Variants in LRRTM4 observed in about 807,000 individuals in gnomAD.
The protein encoded by LRRTM4 is leucine-rich repeat transmembrane neuronal protein 4.
In LRRTM4, 25 loss-of-function variants were observed where a neutral mutation model predicts 47.6. The observed-to-expected ratio is 0.53, with a 90% CI of 0.38 to 0.73. The LOEUF is 0.73. Among genes scored for constraint, LRRTM4 ranks in the 30% least tolerant of loss-of-function variants. The probability of loss-of-function intolerance (pLI) is 0.00; values close to 1 mark genes in which losing one functional copy is unlikely to be tolerated. For missense variants in LRRTM4, 638 were observed against 713.4 expected (o/e 0.89, Z 1.20); for synonymous variants, 311 against 269.5 (o/e 1.15, Z -1.51).
chr2:76,895,383 G>A (rs1366492153), intron 3 of LRRTM4, among the ~76,000 whole-genome samples: 3 of 151,986 alleles, frequency 2.0e-5, no homozygotes, highest in African/African-American at 7.2e-5. Flanking sequence ...CCTCATCCAT[G>A]TCTGTGTAGC....
chr2:76,819,242 T>C (rs1362545649), intron 3 of LRRTM4, among the ~76,000 whole-genome samples: 1 of 134,494 alleles, frequency 7.4e-6, no homozygotes. Flanking sequence ...TATCATAGAA[T>C]GTTTTTAAAA....
chr2:77,189,645 A>T (rs2103875373), intron 3 of LRRTM4, among the ~76,000 whole-genome samples: 1 of 152,256 alleles, frequency 6.6e-6, no homozygotes, highest in South Asian at 2.1e-4. Flanking sequence ...GTGATCTTAC[A>T]CTTCCAGTCT....
chr2:77,301,237 C>T (rs749373449), intron 3 of LRRTM4, among the ~76,000 whole-genome samples: 1 of 151,966 alleles, frequency 6.6e-6, no homozygotes, highest in African/African-American at 2.4e-5. Flanking sequence ...TAATTTTGTG[C>T]TTCAAAATAT....
intron 3 of LRRTM4, among the ~76,000 whole-genome samples, chr2:76,937,397 ATGGGAAATTGGCACCAGAATC>A (rs1355423792): frequency 6.6e-6 from 1 of 152,168 alleles, no homozygotes; most frequent in African/African-American, 2.4e-5. Context: ...CAATGATGTG[ATGGGAAATTGGCACCAGAATC>A]AGTCTGGTCA....
At position 77,448,032 on chromosome 2, in the gene LRRTM4, C is replaced by CA. The variant is rs539663714; in HGVS notation, c.1551+70285dup. Among the ~76,000 whole-genome samples, 145 of 151,894 alleles carry CA rather than the reference C, an allele frequency of 9.5e-4. 2 individuals are homozygous for CA. The South Asian group carries it at 0.029, about 30-fold the overall frequency. ...GGATTAGATGAGTGAACCATGGGGA[C>CA]AAAAAAGAGAAAGGTGCAAAAGACA... On this transcript the variant is annotated intron_variant, in intron 3 of 3. Coordinates refer to ENST00000409884, the MANE Select transcript of LRRTM4 (RefSeq NM_001134745.3).
At chr2:76,922,289 A>C (rs1321244078) in intron 3 of LRRTM4, among the ~76,000 whole-genome samples, 3 of 152,092 alleles carry the variant, frequency 2.0e-5, no homozygotes, top group Non-Finnish European at 4.4e-5. Flanking sequence ...AGGAAGCATT[A>C]CTGAGAGTCC....
chr2:77,206,651 T>A (rs1445860809), intron 3 of LRRTM4, among the ~76,000 whole-genome samples: 2 of 151,986 alleles, frequency 1.3e-5, no homozygotes, highest in Admixed American at 6.6e-5. Context: ...GCCCAGCTAA[T>A]TTTTGCATTT....
chr2:76,960,880 A>C (rs1429100118), intron 3 of LRRTM4, among the ~76,000 whole-genome samples: 1 of 151,534 alleles, frequency 6.6e-6, no homozygotes, highest in Admixed American at 6.6e-5. Flanking sequence ...ACATTTTAAA[A>C]AATAAATGCT....
Position 76,974,159 on chromosome 2 carries a change from T to C in LRRTM4, c.1552-225243A>G, listed in dbSNP as rs201536803. On this transcript the variant is annotated intron_variant, in intron 3 of 3. Coordinates refer to ENST00000409884, the MANE Select transcript of LRRTM4 (RefSeq NM_001134745.3). ...ATATATACATATATATACATACATA[T>C]ATATATATACATACATATATATACA... Among the ~76,000 whole-genome samples, 61 of 132,772 alleles carry C rather than the reference T, an allele frequency of 4.6e-4. 1 individual carries two copies. The highest frequency in any genetic ancestry group is 1.1e-3 in the African/African-American group (37 of 35,232). The allele number at this position is 132,772 out of a possible 152,430, so 87.1% of individuals were successfully genotyped here.
At chr2:77,170,029 G>A (rs1407684440) in intron 3 of LRRTM4, among the ~76,000 whole-genome samples, 4 of 152,154 alleles carry the variant, frequency 2.6e-5, no homozygotes. Flanking sequence ...TGGGGCATGT[G>A]TTCAACCAAA....
intron 3 of LRRTM4, among the ~76,000 whole-genome samples, chr2:77,103,834 G>C (rs1432740121): frequency 6.6e-6 from 1 of 151,842 alleles, no homozygotes; most frequent in Non-Finnish European, 1.5e-5. Flanking sequence ...CAAACTGCAG[G>C]AAACTCAATT....
At chr2:76,909,891 G>T (rs143026206) in intron 3 of LRRTM4, among the ~76,000 whole-genome samples, 4,468 of 152,322 alleles carry the variant, frequency 0.029, 87 homozygotes, top group Non-Finnish European at 0.046. Flanking sequence ...CTTTCACATT[G>T]TTGGTGGGAC....
At chr2:76,755,464 T>C (rs1271477452) in intron 3 of LRRTM4, among the ~76,000 whole-genome samples, 1 of 152,196 alleles carries the variant, frequency 6.6e-6, no homozygotes, top group African/African-American at 2.4e-5. Flanking sequence ...TTTTAGTTTT[T>C]TCGTGTTTCT....
intron 3 of LRRTM4, among the ~76,000 whole-genome samples, chr2:76,783,383 A>T (rs1014300205): frequency 9.2e-5 from 14 of 152,062 alleles, no homozygotes; most frequent in African/African-American, 2.4e-4. Context: ...TTAATGGTAA[A>T]ATATACATAA....
intron 3 of LRRTM4, among the ~76,000 whole-genome samples, chr2:76,766,155 C>T (rs1673446151): frequency 6.6e-6 from 1 of 152,254 alleles, no homozygotes; most frequent in African/African-American, 2.4e-5. Flanking sequence ...CTTTCTTGAA[C>T]ATCTTCCTTC....
intron 3 of LRRTM4, among the ~76,000 whole-genome samples, chr2:77,241,467 G>A (rs983548034): frequency 6.6e-6 from 1 of 151,934 alleles, no homozygotes; most frequent in Non-Finnish European, 1.5e-5. Flanking sequence ...GGGTAAAAAT[G>A]CAATATGATT....
At chr2:76,916,746 C>A (rs1674265770) in intron 3 of LRRTM4, among the ~76,000 whole-genome samples, 1 of 152,040 alleles carries the variant, frequency 6.6e-6, no homozygotes, top group African/African-American at 2.4e-5. Flanking sequence ...AATTTTAGAT[C>A]CACAAAACTC....
chr2:77,332,048 G>T (rs181421760), intron 3 of LRRTM4, among the ~76,000 whole-genome samples: 5 of 152,088 alleles, frequency 3.3e-5, no homozygotes, highest in Admixed American at 2.6e-4. Context: ...TAATAGAGAT[G>T]CAAATATGTT....
chr2:77,047,276 T>TC (rs147910460), intron 3 of LRRTM4, among the ~76,000 whole-genome samples: 5,257 of 152,092 alleles, frequency 0.035, 302 homozygotes, highest in African/African-American at 0.12. Context: ...TCTCTTTTTT[T>TC]CACAGGTGTT....
Sources: gnomAD v4.1 joint callset for allele counts (sites outside exome capture counted in the v4.1 genomes callset) on GRCh38, gnomAD v4.1.1 for gene constraint, MANE v1.5 for transcripts, NCBI Gene and HGNC (gene_info 2026-07-23, HGNC 2026-07-21) for gene names.